Variants in DNAJA3 observed in about 807,000 individuals in gnomAD.
The protein encoded by DNAJA3 is dnaJ homolog subfamily A member 3, mitochondrial.
Under a neutral mutation model 54.9 loss-of-function variants are expected in DNAJA3, and 29 were observed. The observed-to-expected ratio is 0.53, with a 90% CI of 0.39 to 0.72. The LOEUF is 0.72. Among genes scored for constraint, DNAJA3 ranks in the 30% least tolerant of loss-of-function variants. The pLI is 0.00. For synonymous variants in DNAJA3, 302 were observed against 251.4 expected (o/e 1.20, Z -1.90); for missense variants, 708 against 639.4 (o/e 1.11, Z -1.16).
chr16:4,442,526 TGGTG>T, intron 5 of DNAJA3, 106 bp downstream of exon 5: 1 of 1,320,728 alleles, frequency 7.6e-7, no homozygotes, highest in Non-Finnish European at 1.0e-6. Flanking sequence ...TTGGGGGAGT[TGGTG>T]AACTCAGCCT....
chr16:4,434,413 G>T lies in DNAJA3; in HGVS notation c.241G>T (p.Ala81Ser), dbSNP rs181511914. The change falls in exon 2 of 12, where the codon GCC (alanine) becomes TCC (serine). Residue 81 changes from alanine to serine, a missense_variant. Physicochemically the swap from Ala to Ser is moderately conservative, Grantham distance 99. Coordinates refer to ENST00000262375, the MANE Select transcript of DNAJA3 (RefSeq NM_005147.6). ...AAAACATAACCCTTTCATTTGTACT[G>T]CCTCCTTCCACACGAGTGCCCCTTT... ...GTKHNPFICT[A>S]SFHTSAPLAK... The T allele has an allele frequency of 3.7e-6, 6 of 1,613,458 alleles. No homozygotes were observed. The highest frequency in any genetic ancestry group is 5.1e-6 in the Non-Finnish European group (6 of 1,179,926).
intron 2 of DNAJA3, among the ~76,000 whole-genome samples, chr16:4,436,827 C>T (rs769117113): frequency 5.3e-5 from 8 of 152,186 alleles, no homozygotes; most frequent in East Asian, 3.8e-4. Context: ...TGAGCCACTG[C>T]GCCCGGCCCC....
rs954508581 is a variant in DNAJA3 at position 4,441,529 on chromosome 16, C to G, written c.584C>G (p.Ser195Cys). The G allele has an allele frequency of 1.4e-5, 23 of 1,614,062 alleles. No homozygotes were observed. Among genetic ancestry groups the G allele is most frequent in the Non-Finnish European group, 5.1e-6 (6 of 1,180,052 alleles). ...LFRKIFGEFS[S>C]SSFGDFQTVF... is the part of the protein sequence containing the mutation. ...AGGAAGATCTTTGGCGAGTTCTCAT[C>G]CTCTTCATTTGGAGATTTCCAGACC... is the stretch of plus-strand genomic sequence containing the variant. The change falls in exon 4 of 12, where the codon TCC becomes TGC. Residue 195 changes from serine to cysteine, a missense_variant. Ser to Cys is a moderately radical substitution (Grantham distance 112, BLOSUM62 -1). Transcript: ENST00000262375.
intron 1 of DNAJA3, among the ~76,000 whole-genome samples, chr16:4,429,801 TC>T (rs1397209601): frequency 2.0e-5 from 3 of 151,220 alleles, no homozygotes; most frequent in African/African-American, 7.3e-5. Context: ...GCCATTGCAC[TC>T]CAGCCTGATC....
At position 4,425,913 on chromosome 16, in the gene DNAJA3, T is replaced by A; in HGVS notation, c.32T>A (p.Leu11Gln). 2 of 1,546,776 alleles carry A rather than the reference T, an allele frequency of 1.3e-6. No homozygotes were observed. The highest frequency in any genetic ancestry group is 1.7e-6 in the Non-Finnish European group (2 of 1,147,090). The change falls in exon 1 of 12, where the codon CTG (leucine) becomes CAG (glutamine). Residue 11 changes from leucine (L) to glutamine (Q), a missense_variant. Leu to Gln is a moderately radical substitution (Grantham distance 113, BLOSUM62 -2). Coordinates refer to ENST00000262375, the MANE Select transcript of DNAJA3 (RefSeq NM_005147.6). ...GCGCGGTGCTCCACACGCTGGTTGCTGGTGGTTGTGGGGACCCCGCGGCTG... is the reference window on the plus strand; with the variant it reads ...GCGCGGTGCTCCACACGCTGGTTGCAGGTGGTTGTGGGGACCCCGCGGCTG... Reference protein sequence around the residue: MAARCSTRWLLVVVGTPRLPA... With the variant: MAARCSTRWLQVVVGTPRLPA...
chr16:4,443,359 T>C (rs937659968), intron 6 of DNAJA3, among the ~76,000 whole-genome samples, 195 bp downstream of exon 6: 2 of 152,082 alleles, frequency 1.3e-5, no homozygotes, highest in African/African-American at 4.8e-5. Flanking sequence ...TCTTTCTGTT[T>C]CTGCCAGTTA....
Position 4,437,422 on chromosome 16 carries a change from T to C in DNAJA3, c.366T>C (p.Pro122=). 1 of 1,614,132 alleles carries C rather than the reference T, an allele frequency of 6.2e-7. No homozygotes were observed. Among genetic ancestry groups the C allele is most frequent in the Non-Finnish European group, 8.5e-7 (1 of 1,180,002 alleles). ...CTTAGCTTGCCAAGAAGTATCACCCTGACACAAATAAGGATGATCCCAAAG... is the reference window on the plus strand; with the variant it reads ...CTTAGCTTGCCAAGAAGTATCACCCCGACACAAATAAGGATGATCCCAAAG... The part of the protein sequence containing the change: ...AYYQLAKKYH[P]DTNKDDPKAK... The change falls in exon 3 of 12, where the codon CCT becomes CCC. Residue 122 remains proline (P), a synonymous_variant. Coordinates refer to ENST00000262375, the MANE Select transcript of DNAJA3 (RefSeq NM_005147.6).
intron 6 of DNAJA3, among the ~76,000 whole-genome samples, chr16:4,443,965 CATG>C (rs2056870571): frequency 6.6e-6 from 1 of 152,228 alleles, no homozygotes. Flanking sequence ...AGATTATAGT[CATG>C]AGCCACCGCG....
At chr16:4,437,787 A>C (rs1376737434) in intron 3 of DNAJA3, among the ~76,000 whole-genome samples, 1 of 120,218 alleles carries the variant, frequency 8.3e-6, no homozygotes, top group East Asian at 2.0e-4. Flanking sequence ...ACGTCTCTAC[A>C]AAAAAAAAAA....
intron 9 of DNAJA3, chr16:4,450,171 A>T (rs1596371172): frequency 2.1e-6 from 1 of 477,654 alleles, no homozygotes; most frequent in Non-Finnish European, 3.7e-6. Flanking sequence ...GCATAGCCAC[A>T]GTGACACTTG....
Position 4,426,048 on chromosome 16 carries a change from GC to G in DNAJA3, c.172del (p.Arg58GlufsTer4). The G allele has an allele frequency of 1.9e-6, 3 of 1,604,158 alleles. No individual in the cohort carries two copies. The highest frequency in any genetic ancestry group is 2.3e-5 in the East Asian group (1 of 43,660). ...PAFASSLTSC[G>X]PRALLTLRPG... is the part of the protein sequence containing the mutation. Reference sequence around the variant, plus strand: ...TTTGCGTCTTCCCTGACCTCTTGCGGCCCCCGAGCGCTGCTGACATTGAGAC... The same window carrying G: ...TTTGCGTCTTCCCTGACCTCTTGCGGCCCCGAGCGCTGCTGACATTGAGAC... On this transcript the variant is annotated frameshift_variant, in exon 1 of 12. Transcript: ENST00000262375. LOFTEE classifies it high-confidence loss of function.
chr16:4,428,928 G>A (rs868526677), intron 1 of DNAJA3, among the ~76,000 whole-genome samples: 6 of 132,056 alleles, frequency 4.5e-5, no homozygotes, highest in East Asian at 2.1e-4. Flanking sequence ...TCACTCTGTC[G>A]CCCAGGCTGG....
intron 1 of DNAJA3, among the ~76,000 whole-genome samples, chr16:4,427,533 C>T (rs148397914): frequency 6.6e-6 from 1 of 152,164 alleles, no homozygotes; most frequent in Non-Finnish European, 1.5e-5. Context: ...TATTTAACCC[C>T]TTCGAGCACC....
intron 3 of DNAJA3, 38 bp from the exon 4 acceptor site, chr16:4,441,337 A>G: frequency 6.3e-7 from 1 of 1,575,564 alleles, no homozygotes; most frequent in Non-Finnish European, 8.6e-7. Flanking sequence ...GGGCCTTGGT[A>G]GACCTGGGAT....
chr16:4,443,413 C>T (rs896282165), intron 6 of DNAJA3, among the ~76,000 whole-genome samples: 2 of 152,058 alleles, frequency 1.3e-5, no homozygotes, highest in African/African-American at 4.8e-5. Context: ...GGAGAAGAGA[C>T]CTGACGTGCC....
At position 4,446,554 on chromosome 16, in the gene DNAJA3, T is replaced by TA. The variant is rs879324832; in HGVS notation, c.997-320dup. ...CCACTGTGCCTGGCTAAAGTAAGATTAAAAAAAAAAAATCAAAAGCCAGTT... is the reference window on the plus strand; with the variant it reads ...CCACTGTGCCTGGCTAAAGTAAGATTAAAAAAAAAAAAATCAAAAGCCAGTT... On this transcript the variant is annotated intron_variant, in intron 7 of 11. Transcript: ENST00000262375. 7.8e-3 allele frequency among the ~76,000 whole-genome samples: 1,143 copies of TA among 147,180 alleles called. 3 individuals carry two copies. The highest frequency in any genetic ancestry group is 0.01 in the Non-Finnish European group (677 of 66,338).
intron 3 of DNAJA3, among the ~76,000 whole-genome samples, chr16:4,439,384 C>T (rs118039471): frequency 0.022 from 3,411 of 151,852 alleles, 66 homozygotes; most frequent in Middle Eastern, 0.075. Context: ...GTTGAGGTCT[C>T]ACTCTGTTAC....
intron 10 of DNAJA3, among the ~76,000 whole-genome samples, chr16:4,453,119 G>A (rs965711089): frequency 6.6e-6 from 1 of 152,034 alleles, no homozygotes; most frequent in Admixed American, 6.6e-5. Context: ...CAGTGGTGCA[G>A]TCATAGCTCA....
At chr16:4,438,297 A>G (rs2056796769) in intron 3 of DNAJA3, among the ~76,000 whole-genome samples, 1 of 151,788 alleles carries the variant, frequency 6.6e-6, no homozygotes, top group Non-Finnish European at 1.5e-5. Context: ...AGCCTGGGCG[A>G]CAGAGCAAGA....
Sources: allele counts gnomAD v4.1 joint callset (sites outside exome capture counted in the v4.1 genomes callset), GRCh38; gene constraint gnomAD v4.1.1; transcripts MANE v1.5; gene names NCBI Gene and HGNC (gene_info 2026-07-23, HGNC 2026-07-21).